Variants in KIF24 observed in about 807,000 individuals in gnomAD.
The protein encoded by KIF24 is kinesin family member 24, also known as kinesin-like protein KIF24.
Under a neutral mutation model 118.9 loss-of-function variants are expected in KIF24, and 81 were observed. That is an observed-to-expected ratio of 0.68 (90% CI 0.57 to 0.82). The LOEUF (loss-of-function observed/expected upper bound fraction) is 0.82, where lower values mean the gene tolerates loss of function less well. Ranked by LOEUF, KIF24 falls within the 40% of genes least tolerant of loss-of-function variation. KIF24 has a pLI of 0.00. For synonymous variants in KIF24, 599 were observed against 610.0 expected (o/e 0.98, Z 0.27); for missense variants, 1,560 against 1,661.6 (o/e 0.94, Z 1.06).
chr9:34,266,640 T>C (rs1835300374), intron 8 of KIF24, among the ~76,000 whole-genome samples: 1 of 147,474 alleles, frequency 6.8e-6, no homozygotes, highest in African/African-American at 2.5e-5. Context: ...ATTGTGCCAC[T>C]GTACTCCTGC....
At chr9:34,322,690 C>T (rs896823381) in intron 1 of KIF24, among the ~76,000 whole-genome samples, 2 of 152,040 alleles carry the variant, frequency 1.3e-5, no homozygotes, top group African/African-American at 4.8e-5. Context: ...TCCATCTCTA[C>T]AAAAAATATA....
At chr9:34,286,554 A>G in intron 6 of KIF24, 63 bp downstream of exon 6, 1 of 1,210,074 alleles carries the variant, frequency 8.3e-7, no homozygotes, top group Non-Finnish European at 1.2e-6. Context: ...TAGTAGCAAA[A>G]TGAATTTGTT....
At chr9:34,272,988 T>G (rs1349161717) in intron 6 of KIF24, among the ~76,000 whole-genome samples, 1 of 151,944 alleles carries the variant, frequency 6.6e-6, no homozygotes, top group Non-Finnish European at 1.5e-5. Flanking sequence ...TCCCAGCTTC[T>G]CAGAAGTTCT....
rs749509641 is a variant in KIF24 at position 34,256,172 on chromosome 9, G to A, written c.3435C>T (p.Ser1145=). The change falls in exon 11 of 13, where the codon AGC becomes AGT. Residue 1145 remains serine (S), a synonymous_variant. Transcript: ENST00000402558. ...IRQHPADKLP[S]READLGEACQ... is the part of the protein sequence containing the mutation. ...AGGCCTCTCCTAGGTCTGCCTCCCTGCTGGGCAGCTTGTCAGCTGGGTGCT... is the reference window on the plus strand; with the variant it reads ...AGGCCTCTCCTAGGTCTGCCTCCCTACTGGGCAGCTTGTCAGCTGGGTGCT... 6.2e-7 allele frequency: 1 copy of A among 1,604,018 alleles called. No homozygotes were observed. Among genetic ancestry groups the A allele is most frequent in the Non-Finnish European group, 8.5e-7 (1 of 1,173,464 alleles).
chr9:34,310,037 A>G (rs1208954750), intron 2 of KIF24, among the ~76,000 whole-genome samples: 3 of 150,946 alleles, frequency 2.0e-5, no homozygotes, highest in African/African-American at 7.3e-5. Flanking sequence ...ACTAGGGATT[A>G]CTTGTTATTT....
chr9:34,302,993 C>G (rs765978730), intron 3 of KIF24, among the ~76,000 whole-genome samples: 2 of 151,266 alleles, frequency 1.3e-5, no homozygotes, highest in African/African-American at 2.4e-5. Flanking sequence ...CCAGGATGGT[C>G]TCGATCTCCT....
chr9:34,321,337 T>G (rs1480489560), intron 1 of KIF24, among the ~76,000 whole-genome samples: 1 of 152,146 alleles, frequency 6.6e-6, no homozygotes, highest in Non-Finnish European at 1.5e-5. Context: ...TCAGTCAGTC[T>G]CTGCTAAGAA....
In KIF24 at chr9:34,290,261, G is replaced by A. The variant is rs373004465; in HGVS notation, c.1040C>T (p.Ser347Phe). 2 of 1,613,802 alleles carry A rather than the reference G, an allele frequency of 1.2e-6. No individual in the cohort carries two copies. The highest frequency in any genetic ancestry group is 1.1e-5 in the South Asian group (1 of 91,088). The change falls in exon 5 of 13, where the codon TCC becomes TTC. Residue 347 changes from serine (S) to phenylalanine (F), a missense_variant. Coordinates refer to ENST00000402558, the MANE Select transcript of KIF24 (RefSeq NM_194313.4). The part of the protein sequence containing the change: ...AKDIFRQLEV[S>F]QPRKHLFVWI... The stretch of plus-strand genomic sequence containing the variant: ...CACAAAGAGGTGCTTTCTTGGCTGG[G>A]ACACTTCTAGTTGCCTGAAGATATC...
At chr9:34,283,474 G>A (rs1322349328) in intron 6 of KIF24, among the ~76,000 whole-genome samples, 1 of 151,950 alleles carries the variant, frequency 6.6e-6, no homozygotes, top group Non-Finnish European at 1.5e-5. Context: ...CTTTAAAAAA[G>A]GTGAATGTTA....
At position 34,286,620 on chromosome 9, in the gene KIF24, T is replaced by C. The variant is rs1836060499; in HGVS notation, c.1212A>G (p.Leu404=). 4 of 1,605,258 alleles carry C rather than the reference T, an allele frequency of 2.5e-6. No homozygotes were observed. The highest frequency in any genetic ancestry group is 2.2e-5 in the South Asian group (2 of 90,888). Residue 404 remains leucine (L), a synonymous_variant, in exon 6 of 13, where the codon TTA becomes TTG. Transcript: ENST00000402558. ...ELQVDSVELL[L]EVILKGSKER... ...TAAAGAAGGAAGAATTAATTACCTC[T>C]AAGAGGAGCTCCACACTGTCCACCT... is the stretch of plus-strand genomic sequence containing the variant.
At chr9:34,310,016 C>T (rs1019705350) in intron 2 of KIF24, among the ~76,000 whole-genome samples, 2 of 149,656 alleles carry the variant, frequency 1.3e-5, no homozygotes, top group Admixed American at 1.3e-4. Context: ...TCCTATTATA[C>T]CATTGTTAGT....
chr9:34,320,658 C>CAAA (rs68048466), intron 1 of KIF24, among the ~76,000 whole-genome samples: 8,261 of 53,430 alleles, frequency 0.15, 610 homozygotes, highest in South Asian at 0.19. Context: ...AACTCCTTCT[C>CAAA]AAAAAAAAAA....
chr9:34,305,165 A>G (rs1284389829), intron 3 of KIF24, among the ~76,000 whole-genome samples: 4 of 152,142 alleles, frequency 2.6e-5, no homozygotes, highest in Non-Finnish European at 5.9e-5. Flanking sequence ...TTCAGCTTGG[A>G]ATAAGTTTCT....
At chr9:34,284,006 G>GC (rs1413378086) in intron 6 of KIF24, among the ~76,000 whole-genome samples, 3 of 152,168 alleles carry the variant, frequency 2.0e-5, no homozygotes, top group Non-Finnish European at 4.4e-5. Flanking sequence ...GGGCCACTGT[G>GC]CCTGTCATCC....
intron 3 of KIF24, among the ~76,000 whole-genome samples, chr9:34,305,146 C>T (rs1483382160): frequency 2.6e-5 from 4 of 152,188 alleles, no homozygotes; most frequent in Admixed American, 2.6e-4. Flanking sequence ...AGAATTATTG[C>T]AAGGTACCTT....
chr9:34,255,516 A>G (rs550267635), intron 11 of KIF24, among the ~76,000 whole-genome samples: 1 of 152,318 alleles, frequency 6.6e-6, no homozygotes, highest in African/African-American at 2.4e-5. Context: ...TGTGACTGCA[A>G]CTGGCATACT....
chr9:34,269,500 A>G (rs1490726880), intron 7 of KIF24, 138 bp from the exon 8 acceptor site: 6 of 396,790 alleles, frequency 1.5e-5, no homozygotes, highest in Non-Finnish European at 2.6e-5. Context: ...GCTCACTGCA[A>G]CCTCTGCCTC....
intron 1 of KIF24, among the ~76,000 whole-genome samples, chr9:34,325,521 C>T (rs1210296584): frequency 6.6e-6 from 1 of 151,854 alleles, no homozygotes; most frequent in Non-Finnish European, 1.5e-5. Flanking sequence ...GGTGAAACCC[C>T]ATCTCCACAA....
intron 1 of KIF24, among the ~76,000 whole-genome samples, chr9:34,313,026 GT>G (rs948474073): frequency 3.6e-4 from 55 of 152,324 alleles, no homozygotes; most frequent in African/African-American, 1.3e-3. Context: ...AGGCAGATTT[GT>G]TTTTTAAAGA....
Sources: gnomAD v4.1 joint callset for allele counts (sites outside exome capture counted in the v4.1 genomes callset) on GRCh38, gnomAD v4.1.1 for gene constraint, MANE v1.5 for transcripts, NCBI Gene and HGNC (gene_info 2026-07-23, HGNC 2026-07-21) for gene names.